Variants in CARD19 observed in about 807,000 individuals in gnomAD.
CARD19 encodes caspase recruitment domain-containing protein 19.
In CARD19, 25 loss-of-function variants were observed where a neutral mutation model predicts 24.1. The observed-to-expected ratio is 1.04, with a 90% CI of 0.76 to 1.45. The LOEUF is 1.45. Among genes scored for constraint, CARD19 ranks in the 40% most tolerant of loss-of-function variants. CARD19 has a pLI of 0.00. For missense variants in CARD19, 241 were observed against 247.4 expected, an observed-to-expected ratio of 0.97 and a Z score of 0.17; for synonymous variants, 103 against 104.9, an observed-to-expected ratio of 0.98 and a Z score of 0.11.
chr9:93,107,548 G>A (rs747514135), intron 1 of CARD19, 126 bp from the exon 2 acceptor site: 61 of 1,088,160 alleles, frequency 5.6e-5, no homozygotes, highest in Non-Finnish European at 7.9e-5. Flanking sequence ...TGATTCTGCA[G>A]GTTCACCCTC....
In CARD19 at chr9:93,096,514, C is replaced by T. The variant is rs1432897230; in HGVS notation, c.7+162C>T. On this transcript the variant is annotated intron_variant, in intron 1 of 5. Coordinates refer to ENST00000375464, the MANE Select transcript of CARD19 (RefSeq NM_032310.5). The surrounding 1 kb of genome is among the most constrained non-coding windows in gnomAD (Gnocchi z 5.4). ...TGTCGGTGGTGCGCGAGTGCACCCC[C>T]GCGAAGTGGTGGGTGTCCCGGGGCT... 1.3e-5 allele frequency among the ~76,000 whole-genome samples: 2 copies of T among 152,030 alleles called. No individual in the cohort carries two copies. Among genetic ancestry groups the T allele is most frequent in the African/African-American group, 2.4e-5 (1 of 41,414 alleles).
intron 1 of CARD19, among the ~76,000 whole-genome samples, chr9:93,099,637 G>A (rs895988863): frequency 6.6e-6 from 1 of 152,206 alleles, no homozygotes. Context: ...GTTCTTTAAC[G>A]AGAGGGCTGC....
At chr9:93,112,007 T>G in intron 4 of CARD19, 69 bp downstream of exon 4, 1 of 1,544,940 alleles carries the variant, frequency 6.5e-7, no homozygotes, top group Non-Finnish European at 8.8e-7. Context: ...TCCCCAGGGC[T>G]CCATCTCCGC....
At chr9:93,106,316 C>A (rs1234978958) in intron 1 of CARD19, among the ~76,000 whole-genome samples, 1 of 151,572 alleles carries the variant, frequency 6.6e-6, no homozygotes, top group African/African-American at 2.4e-5. Flanking sequence ...GTGGCTTACA[C>A]CTGTATTCCC....
At chr9:93,102,984 C>T (rs996772867) in intron 1 of CARD19, among the ~76,000 whole-genome samples, 2 of 151,974 alleles carry the variant, frequency 1.3e-5, no homozygotes, top group Non-Finnish European at 2.9e-5. Context: ...TATCTTGCAA[C>T]CTTGCTGCAT....
At position 93,096,388 on chromosome 9, in the gene CARD19, G is replaced by A; in HGVS notation, c.7+36G>A. 1 of 1,224,762 alleles carries A rather than the reference G, an allele frequency of 8.2e-7. No individual in the cohort carries two copies. Among genetic ancestry groups the A allele is most frequent in the Non-Finnish European group, 1.0e-6 (1 of 983,252 alleles). The allele number at this position is 1,224,762 out of a possible 1,614,324, so 75.9% of individuals were successfully genotyped here. A position where few individuals can be genotyped will look rare whatever the true frequency, so the allele number is the denominator to read the frequency against. ...GGTCGGCTGGGCGGCAGGGATGCGG[G>A]CGCCCTGGATGGGTGGCCCGGCCCG... On this transcript the variant is annotated intron_variant, in intron 1 of 5. Transcript: ENST00000375464. The surrounding 1 kb of genome is among the most constrained non-coding windows in gnomAD (Gnocchi z 5.4).
intron 4 of CARD19, 78 bp downstream of exon 4, chr9:93,112,016 GC>G (rs1226130405): frequency 1.3e-6 from 2 of 1,522,582 alleles, no homozygotes; most frequent in Non-Finnish European, 1.8e-6. Context: ...CTCCATCTCC[GC>G]CTCAGGGGCT....
intron 1 of CARD19, among the ~76,000 whole-genome samples, chr9:93,102,119 G>A (rs1032675641): frequency 1.3e-5 from 2 of 151,894 alleles, no homozygotes; most frequent in African/African-American, 4.8e-5. Context: ...GCACCACCAT[G>A]CCCGACTAAT....
rs765400755 is a variant in CARD19, at chr9:93,113,026, C to T, written c.471C>T (p.Leu157=). The T allele has an allele frequency of 1.7e-5, 28 of 1,609,466 alleles. No homozygotes were observed. In the East Asian group the frequency reaches 2.0e-4, roughly 12 times the overall value. Residue 157 remains leucine (L), a synonymous_variant, in exon 6 of 6, where the codon CTC becomes CTT. Transcript: ENST00000375464. ...PKGLPGTRRV[L]GFSPVIIDRH... ...GCCTGCCAGGGACCCGGCGCGTCCT[C>T]GGTTTCTCGCCTGTCATCATCGACA... is the stretch of plus-strand genomic sequence containing the variant.
intron 3 of CARD19, 62 bp from the exon 4 acceptor site, chr9:93,111,817 G>T (rs754558851): frequency 1.3e-6 from 2 of 1,588,762 alleles, no homozygotes; most frequent in Non-Finnish European, 1.7e-6. Flanking sequence ...TTCCTGCGGG[G>T]TGACTACCTT....
Position 93,096,360 on chromosome 9 carries a change from C to A in CARD19, c.7+8C>A, listed in dbSNP as rs768637792. 8.2e-7 allele frequency: 1 copy of A among 1,225,854 alleles called. No homozygotes were observed. Among genetic ancestry groups the A allele is most frequent in the Non-Finnish European group, 1.0e-6 (1 of 984,022 alleles). 75.9% of individuals were successfully genotyped at this position (1,225,854 alleles called of 1,614,324 possible). ...TGTCCGTCGCCATGACAGGTGGGCA[C>A]GGGGTCGGCTGGGCGGCAGGGATGC... On this transcript the variant is annotated splice_region_variant and intron_variant, in intron 1 of 5. Coordinates refer to ENST00000375464, the MANE Select transcript of CARD19 (RefSeq NM_032310.5). This position sits in a 1 kb window ranked among gnomAD's most constrained non-coding sequence, Gnocchi z 5.4.
Position 93,111,644 on chromosome 9 carries a change from G to A in CARD19, c.305-235G>A, listed in dbSNP as rs1328266496. 2.2e-6 allele frequency: 3 copies of A among 1,379,638 alleles called. No individual in the cohort carries two copies. The Admixed American group carries it at 9.3e-5, about 43-fold the overall frequency. The allele number at this position is 1,379,638 out of a possible 1,614,324, so 85.5% of individuals were successfully genotyped here. On this transcript the variant is annotated intron_variant, in intron 3 of 5. Transcript: ENST00000375464. ...GCAGGGCCAAGCCTTGGCCCCACTG[G>A]AGGTAGAGCACCTTCTGTGGCTCCC...
intron 1 of CARD19, among the ~76,000 whole-genome samples, chr9:93,098,704 G>A (rs73522721): frequency 0.014 from 2,116 of 152,278 alleles, 58 homozygotes; most frequent in African/African-American, 0.049. Context: ...CCCCCAAGCC[G>A]CAGAGCCTGG....
chr9:93,107,488 A>G (rs1458484526), intron 1 of CARD19, among the ~76,000 whole-genome samples, 186 bp from the exon 2 acceptor site: 1 of 152,260 alleles, frequency 6.6e-6, no homozygotes, highest in Non-Finnish European at 1.5e-5. Context: ...TTGGCAGGCC[A>G]GGGGCAGCTC....
chr9:93,112,431 C>T (rs1436507031), intron 5 of CARD19, 142 bp downstream of exon 5: 8 of 689,716 alleles, frequency 1.2e-5, no homozygotes, highest in Middle Eastern at 2.9e-4. Context: ...GGTGTCACCT[C>T]GCAGGGCTCC....
chr9:93,111,559 A>T, intron 3 of CARD19: 1 of 1,245,208 alleles, frequency 8.0e-7, no homozygotes, highest in Non-Finnish European at 1.0e-6. Context: ...CCAGCCCTGC[A>T]GGTGGGACTG....
At chr9:93,111,367 T>C in intron 3 of CARD19, 1 of 1,103,484 alleles carries the variant, frequency 9.1e-7, no homozygotes, top group African/African-American at 1.6e-5. Context: ...CTGACGCCTC[T>C]GTGCTCAGGG....
rs927937430 is a variant in CARD19, at chr9:93,096,376, G to T, written c.7+24G>T. 2.1e-4 allele frequency: 262 copies of T among 1,225,230 alleles called. 2 individuals carry two copies. Among genetic ancestry groups the T allele is most frequent in the Admixed American group, 8.5e-5 (2 of 23,452 alleles). The allele number at this position is 1,225,230 out of a possible 1,614,324, so 75.9% of individuals were successfully genotyped here. A position where few individuals can be genotyped will look rare whatever the true frequency, so the allele number is the denominator to read the frequency against. On this transcript the variant is annotated intron_variant, in intron 1 of 5. Transcript: ENST00000375464. This position sits in a 1 kb window ranked among gnomAD's most constrained non-coding sequence, Gnocchi z 5.4. Reference sequence around the variant, plus strand: ...AGGTGGGCACGGGGTCGGCTGGGCGGCAGGGATGCGGGCGCCCTGGATGGG... The same window carrying T: ...AGGTGGGCACGGGGTCGGCTGGGCGTCAGGGATGCGGGCGCCCTGGATGGG...
Position 93,098,946 on chromosome 9 carries a change from A to G in CARD19, c.7+2594A>G, listed in dbSNP as rs562091172. ...AGACAGAGTCTCATTCTGTCACCCAAGCTGGAGTGCAGTGGTGCAATCTTG... is the reference window on the plus strand; with the variant it reads ...AGACAGAGTCTCATTCTGTCACCCAGGCTGGAGTGCAGTGGTGCAATCTTG... On this transcript the variant is annotated intron_variant, in intron 1 of 5. Coordinates refer to ENST00000375464, the MANE Select transcript of CARD19 (RefSeq NM_032310.5). Among the ~76,000 whole-genome samples, 18 of 134,134 alleles carry G rather than the reference A, an allele frequency of 1.3e-4. No individual in the cohort carries two copies. The South Asian group carries it at 4.1e-3, about 30-fold the overall frequency. 88.0% of individuals were successfully genotyped at this position (134,134 alleles called of 152,430 possible).
Sources: gnomAD v4.1 joint callset for allele counts (sites outside exome capture counted in the v4.1 genomes callset) on GRCh38, gnomAD v4.1.1 for gene constraint, Gnocchi (gnomAD v3.1) non-coding constraint, MANE v1.5 for transcripts, NCBI Gene and HGNC (gene_info 2026-07-23, HGNC 2026-07-21) for gene names.